PKN2: variants seen among roughly 807,000 people sequenced by gnomAD.
PKN2 encodes the protein serine/threonine-protein kinase N2.
A neutral mutation model predicts 119.1 loss-of-function variants in PKN2; 38 were observed. The ratio of observed to expected loss-of-function variants is 0.32; its 90% CI spans 0.25 to 0.42. PKN2 has a LOEUF of 0.42. Among genes scored for constraint, PKN2 ranks in the 10% least tolerant of loss-of-function variants. The probability of loss-of-function intolerance (pLI) is 1.00; values close to 1 mark genes in which losing one functional copy is unlikely to be tolerated. For missense variants in PKN2, 850 were observed against 1,165.1 expected (o/e 0.73, Z 3.94); for synonymous variants, 390 against 384.9 (o/e 1.01, Z -0.15).
chr1:88,799,993 C>T (rs959119733), intron 8 of PKN2, among the ~76,000 whole-genome samples: 1 of 152,158 alleles, frequency 6.6e-6, no homozygotes, highest in African/African-American at 2.4e-5. Context: ...TTCCTCAGCT[C>T]TTGAATTTTC....
At position 88,833,720 on chromosome 1, in the gene PKN2, T is replaced by G; in HGVS notation, c.*272T>G. The G allele has an allele frequency of 2.8e-6, 1 of 359,136 alleles. No individual in the cohort carries two copies. Among genetic ancestry groups the G allele is most frequent in the Non-Finnish European group, 5.0e-6 (1 of 199,822 alleles). The allele number at this position is 359,136 out of a possible 1,614,324, so 22.2% of individuals were successfully genotyped here. A position where few individuals can be genotyped will look rare whatever the true frequency, so the allele number is the denominator to read the frequency against. On this transcript the variant is annotated 3_prime_UTR_variant, in exon 22 of 22. Coordinates refer to ENST00000370521, the MANE Select transcript of PKN2 (RefSeq NM_006256.4). ...CCATGAAAATCCATCACGAATACTT[T>G]TGGATCAATAGTCTATTTTTAAAAA...
At chr1:88,687,530 G>A (rs1313323914) in intron 1 of PKN2, among the ~76,000 whole-genome samples, 1 of 152,178 alleles carries the variant, frequency 6.6e-6, no homozygotes, top group Non-Finnish European at 1.5e-5. Context: ...GAATGAAAGT[G>A]TTGGCTACAA....
At chr1:88,819,407 G>GA (rs1266002976) in intron 16 of PKN2, among the ~76,000 whole-genome samples, 1 of 152,022 alleles carries the variant, frequency 6.6e-6, no homozygotes, top group Non-Finnish European at 1.5e-5. Flanking sequence ...AAAAACATAT[G>GA]AAAAAAAGCT....
chr1:88,807,186 T>C, intron 12 of PKN2, 127 bp from the exon 13 acceptor site: 1 of 747,222 alleles, frequency 1.3e-6, no homozygotes, highest in South Asian at 2.6e-5. Context: ...AGAATGAGTA[T>C]CTGAATTTTA....
intron 1 of PKN2, among the ~76,000 whole-genome samples, chr1:88,688,108 C>T (rs1040847209): frequency 1.3e-5 from 2 of 150,484 alleles, no homozygotes; most frequent in Admixed American, 1.3e-4. Context: ...TTTCTGGAGA[C>T]GGAGTCTCGC....
At chr1:88,716,913 G>C (rs1042253302) in intron 1 of PKN2, among the ~76,000 whole-genome samples, 2 of 152,188 alleles carry the variant, frequency 1.3e-5, no homozygotes, top group Non-Finnish European at 2.9e-5. Flanking sequence ...AATTTGGCAT[G>C]TTTTTGCAGT....
chr1:88,754,425 A>G (rs1299638833), intron 2 of PKN2, among the ~76,000 whole-genome samples: 1 of 152,234 alleles, frequency 6.6e-6, no homozygotes, highest in African/African-American at 2.4e-5. Flanking sequence ...TCATTATAAT[A>G]CAGTGTAGTA....
chr1:88,823,738 T>C (rs972513094), intron 17 of PKN2, among the ~76,000 whole-genome samples: 1 of 122,684 alleles, frequency 8.2e-6, no homozygotes, highest in Non-Finnish European at 1.7e-5. Context: ...AGGCTGGGTG[T>C]GGTGGCTTAC....
At chr1:88,801,834 C>T (rs1397204288) in intron 8 of PKN2, among the ~76,000 whole-genome samples, 1 of 152,212 alleles carries the variant, frequency 6.6e-6, no homozygotes, top group Admixed American at 6.5e-5. Context: ...ATATATATCC[C>T]TTATGCATTT....
chr1:88,806,188 CTT>C (rs777155138), intron 12 of PKN2, 171 bp downstream of exon 12: 57 of 620,378 alleles, frequency 9.2e-5, no homozygotes, highest in Non-Finnish European at 1.4e-4. Flanking sequence ...GAGTTTCACT[CTT>C]GTTACCCAGG....
rs1458913018 is a variant in PKN2, at chr1:88,770,439, G to A, written c.592G>A (p.Val198Ile). 6.2e-7 allele frequency: 1 copy of A among 1,608,268 alleles called. No individual in the cohort carries two copies. Among genetic ancestry groups the A allele is most frequent in the Non-Finnish European group, 8.5e-7 (1 of 1,174,654 alleles). ...CATACGAATGCAGATTCTTCAGGCA[G>A]TCCAGACTAATGAATTGGCTTTTGA... ...EVIRMQILQA[V>I]QTNELAFDNA... is the part of the protein sequence containing the mutation. Residue 198 changes from valine (V) to isoleucine (I), a missense_variant, in exon 4 of 22, where the codon GTC becomes ATC. Physicochemically the swap from Val to Ile is conservative, Grantham distance 29. Coordinates refer to ENST00000370521, the MANE Select transcript of PKN2 (RefSeq NM_006256.4).
chr1:88,686,950 T>G (rs973703375), intron 1 of PKN2, among the ~76,000 whole-genome samples: 1 of 152,168 alleles, frequency 6.6e-6, no homozygotes, highest in Non-Finnish European at 1.5e-5. Flanking sequence ...TAGCCAGTTT[T>G]AAGATGTATT....
intron 1 of PKN2, among the ~76,000 whole-genome samples, chr1:88,733,150 T>C (rs1431393830): frequency 1.3e-5 from 2 of 152,202 alleles, no homozygotes; most frequent in Non-Finnish European, 2.9e-5. Flanking sequence ...GTAATAAACA[T>C]AGGAGTGCAG....
chr1:88,793,694 C>T (rs1248221178), intron 8 of PKN2, among the ~76,000 whole-genome samples: 1 of 152,104 alleles, frequency 6.6e-6, no homozygotes, highest in Non-Finnish European at 1.5e-5. Flanking sequence ...TGCTCAAGTC[C>T]TTTATATAAA....
intron 1 of PKN2, among the ~76,000 whole-genome samples, chr1:88,703,483 C>T (rs1666854600): frequency 6.6e-6 from 1 of 151,936 alleles, no homozygotes; most frequent in Admixed American, 6.6e-5. Flanking sequence ...AGTTACTTGC[C>T]TATGTTACAA....
At chr1:88,807,275 G>T in intron 12 of PKN2, 38 bp from the exon 13 acceptor site, 1 of 1,298,856 alleles carries the variant, frequency 7.7e-7, no homozygotes. Flanking sequence ...TGTTTTCTGG[G>T]TATTTCTATG....
chr1:88,697,697 CA>C (rs1184738949), intron 1 of PKN2, among the ~76,000 whole-genome samples: 1 of 152,100 alleles, frequency 6.6e-6, no homozygotes, highest in Non-Finnish European at 1.5e-5. Flanking sequence ...GTTGTAGCCC[CA>C]AAATGCTTTT....
chr1:88,816,918 A>T (rs536654147), intron 16 of PKN2: 1 of 152,326 alleles, frequency 6.6e-6, no homozygotes, highest in Middle Eastern at 3.4e-3. Context: ...TAGCCTACCA[A>T]CCAAAAAAAG....
chr1:88,756,192 G>A (rs1669193430), intron 2 of PKN2, among the ~76,000 whole-genome samples: 1 of 152,004 alleles, frequency 6.6e-6, no homozygotes, highest in Non-Finnish European at 1.5e-5. Flanking sequence ...CACCATGCCC[G>A]GCCGGATATT....
Sources: allele counts gnomAD v4.1 joint callset (sites outside exome capture counted in the v4.1 genomes callset), GRCh38; gene constraint gnomAD v4.1.1; transcripts MANE v1.5; gene names NCBI Gene and HGNC (gene_info 2026-07-23, HGNC 2026-07-21).